Variants in TUSC3 observed in about 807,000 individuals in gnomAD.
TUSC3 encodes the protein tumor suppressor candidate 3, also known as dolichyl-diphosphooligosaccharide--protein glycosyltransferase subunit TUSC3.
In TUSC3, 45 loss-of-function variants were observed where a neutral mutation model predicts 44.8. The observed-to-expected ratio is 1.00, with a 90% CI of 0.79 to 1.29. TUSC3 has a LOEUF of 1.29. Ranked by LOEUF, TUSC3 falls within the 50% of genes most tolerant of loss-of-function variation. The pLI is 0.00. For missense variants in TUSC3, 519 were observed against 437.9 expected, an observed-to-expected ratio of 1.19 and a Z score of -1.65; for synonymous variants, 212 against 152.9, an observed-to-expected ratio of 1.39 and a Z score of -2.85.
At chr8:15,614,278 T>C (rs772559013) in intron 1 of TUSC3, among the ~76,000 whole-genome samples, 2 of 152,142 alleles carry the variant, frequency 1.3e-5, no homozygotes, top group Non-Finnish European at 2.9e-5. Flanking sequence ...GGCTCACTTA[T>C]GCCCACTAGC....
chr8:15,655,818 A>G (rs186973557), intron 3 of TUSC3, among the ~76,000 whole-genome samples: 86 of 152,322 alleles, frequency 5.6e-4, no homozygotes, highest in African/African-American at 1.9e-3. Context: ...CTATTACATA[A>G]CATTAGCAGT....
At chr8:15,758,152 G>A in intron 10 of TUSC3, 4 of 1,102,650 alleles carry the variant, frequency 3.6e-6, no homozygotes, top group Admixed American at 4.5e-5. Context: ...TATCACTTAG[G>A]GAAAAAAGGC....
intron 1 of TUSC3, among the ~76,000 whole-genome samples, chr8:15,445,300 C>A (rs1232327786): frequency 2.0e-5 from 3 of 151,804 alleles, no homozygotes; most frequent in African/African-American, 7.3e-5. Context: ...TAAAACTGAT[C>A]TATCCCAGGA....
At chr8:15,673,718 A>G (rs1808057703) in intron 5 of TUSC3, 29 bp from the exon 6 acceptor site, 4 of 1,535,320 alleles carry the variant, frequency 2.6e-6, no homozygotes, top group East Asian at 2.3e-5. Flanking sequence ...TCTGGTTTAC[A>G]TATTGAAACA....
the TUSC3 span, among the ~76,000 whole-genome samples, chr8:15,773,649 G>A: frequency 6.6e-6 from 1 of 152,106 alleles, no homozygotes; most frequent in African/African-American, 2.4e-5. Flanking sequence ...AAAGAACCAA[G>A]TTGAAAGACT....
intron 2 of TUSC3, among the ~76,000 whole-genome samples, chr8:15,488,937 A>G (rs970506418): frequency 6.6e-6 from 1 of 152,220 alleles, no homozygotes; most frequent in Admixed American, 6.5e-5. Flanking sequence ...ATGAATAAGT[A>G]TGCTGACTTT....
At chr8:15,609,571 G>GA (rs916365823) in intron 1 of TUSC3, among the ~76,000 whole-genome samples, 11 of 149,918 alleles carry the variant, frequency 7.3e-5, no homozygotes, top group South Asian at 2.1e-4. Context: ...TGCAGTGGTG[G>GA]AAAAAAAAAT....
chr8:15,490,974 C>T (rs964293236), intron 2 of TUSC3, among the ~76,000 whole-genome samples: 9 of 152,094 alleles, frequency 5.9e-5, no homozygotes, highest in Non-Finnish European at 1.0e-4. Flanking sequence ...GGTCTGGGGC[C>T]CCCCCAATCT....
At chr8:15,533,713 T>C (rs1428455838) in intron 2 of TUSC3, among the ~76,000 whole-genome samples, 2 of 152,212 alleles carry the variant, frequency 1.3e-5, no homozygotes, top group African/African-American at 2.4e-5. Context: ...TCAGGAGCAC[T>C]GTCTCTTACA....
At chr8:15,574,107 G>A (rs549504004) in intron 1 of TUSC3, among the ~76,000 whole-genome samples, 7 of 152,210 alleles carry the variant, frequency 4.6e-5, no homozygotes, top group East Asian at 1.9e-4. Context: ...AGCATTCACC[G>A]TCAAGGGAAG....
chr8:15,749,623 A>T (rs1811604061), intron 9 of TUSC3, among the ~76,000 whole-genome samples: 2 of 151,512 alleles, frequency 1.3e-5, no homozygotes, highest in Admixed American at 1.3e-4. Flanking sequence ...AGGCAAGCAG[A>T]GTCTTCAGGT....
At chr8:15,835,260 T>C in the TUSC3 span, among the ~76,000 whole-genome samples, 1 of 152,362 alleles carries the variant, frequency 6.6e-6, no homozygotes, top group South Asian at 2.1e-4. Flanking sequence ...TCATTTTCTA[T>C]GATTCTTAGA....
chr8:15,743,302 C>T (rs899906676), intron 7 of TUSC3: 7 of 520,428 alleles, frequency 1.3e-5, no homozygotes, highest in Non-Finnish European at 2.4e-5. Flanking sequence ...ATTTAAGAAC[C>T]TTTGGAATTA....
At position 15,423,655 on chromosome 8, in the gene TUSC3, A is replaced by C. The variant is rs551203874; in HGVS notation, n.91+6350A>C. 1.6e-4 allele frequency among the ~76,000 whole-genome samples: 24 copies of C among 152,326 alleles called. 1 individual carries two copies. The South Asian group carries it at 4.8e-3, about 30-fold the overall frequency. On this transcript the variant is annotated intron_variant and non_coding_transcript_variant, in intron 1 of 5. Coordinates refer to the TUSC3 transcript ENST00000503191. ...ACCTGCTCACCATTACTAGAAGTGC[A>C]CATCCTTGCCCTGGTTCTCTCTTGA...
At chr8:15,720,199 T>TACACACACACACACACAC (rs1278052451) in intron 6 of TUSC3, among the ~76,000 whole-genome samples, 11 of 100,786 alleles carry the variant, frequency 1.1e-4, no homozygotes, top group Non-Finnish European at 1.6e-4. Flanking sequence ...TGTATATATA[T>TACACACACACACACACAC]ATACACACAC....
At chr8:15,529,486 A>G (rs914458488) in intron 2 of TUSC3, among the ~76,000 whole-genome samples, 1 of 152,188 alleles carries the variant, frequency 6.6e-6, no homozygotes, top group African/African-American at 2.4e-5. Flanking sequence ...ATACAGTTTA[A>G]AAATAATTGA....
intron 2 of TUSC3, among the ~76,000 whole-genome samples, chr8:15,532,585 G>A (rs1585078350): frequency 6.6e-6 from 1 of 152,136 alleles, no homozygotes; most frequent in South Asian, 2.1e-4. Context: ...GCAGATAAGA[G>A]ACAAAAGTTT....
At chr8:15,651,460 A>G (rs1806901201) in intron 3 of TUSC3, among the ~76,000 whole-genome samples, 1 of 152,212 alleles carries the variant, frequency 6.6e-6, no homozygotes, top group Admixed American at 6.5e-5. Flanking sequence ...GCGTGACTGT[A>G]TTTGAAGATA....
In TUSC3 at chr8:15,488,833, TA is replaced by T. The variant is rs372254070; in HGVS notation, n.189+5353del. On this transcript the variant is annotated intron_variant and non_coding_transcript_variant, in intron 2 of 5. Transcript: ENST00000503191. Reference sequence around the variant, plus strand: ...TTCCCAGCTATGAAACTATGAGAAATAAATGTTAGTTGCATAAGCCACTCAG... The same window carrying T: ...TTCCCAGCTATGAAACTATGAGAAATAATGTTAGTTGCATAAGCCACTCAG... 2.4e-4 allele frequency among the ~76,000 whole-genome samples: 36 copies of T among 152,268 alleles called. 1 individual carries two copies. The East Asian group carries it at 4.4e-3, about 19-fold the overall frequency.
Sources: allele counts gnomAD v4.1 joint callset (sites outside exome capture counted in the v4.1 genomes callset), GRCh38; gene constraint gnomAD v4.1.1; transcripts MANE v1.5; gene names NCBI Gene and HGNC (gene_info 2026-07-23, HGNC 2026-07-21).